Variants in IMMP2L observed in about 807,000 individuals in gnomAD.
The protein encoded by IMMP2L is mitochondrial inner membrane protease subunit 2.
A neutral mutation model predicts 19.3 loss-of-function variants in IMMP2L; 18 were observed. The observed-to-expected ratio is 0.93, with a 90% CI of 0.64 to 1.38. IMMP2L has a LOEUF of 1.38. Ranked by LOEUF, IMMP2L falls within the 40% of genes most tolerant of loss-of-function variation. The probability of loss-of-function intolerance (pLI) is 0.00; values close to 1 mark genes in which losing one functional copy is unlikely to be tolerated. For synonymous variants in IMMP2L, 76 were observed against 73.0 expected (o/e 1.04, Z -0.21); for missense variants, 233 against 218.2 (o/e 1.07, Z -0.43).
chr7:111,106,546 C>T (rs770856582), intron 3 of IMMP2L, among the ~76,000 whole-genome samples: 2 of 151,698 alleles, frequency 1.3e-5, no homozygotes, highest in Non-Finnish European at 2.9e-5. Flanking sequence ...GAACTTCTCA[C>T]TGCCCCAGGC....
At chr7:110,749,721 GA>G (rs1445555982) in intron 5 of IMMP2L, among the ~76,000 whole-genome samples, 1 of 151,854 alleles carries the variant, frequency 6.6e-6, no homozygotes, top group Non-Finnish European at 1.5e-5. Context: ...ACAGGGATGG[GA>G]ACATCACACA....
intron 3 of IMMP2L, among the ~76,000 whole-genome samples, chr7:111,134,837 C>T (rs1339372161): frequency 6.6e-6 from 1 of 152,016 alleles, no homozygotes; most frequent in Non-Finnish European, 1.5e-5. Context: ...CTAAAAAGAC[C>T]TCTTTAATAT....
At chr7:110,928,624 A>AG (rs1815133726) in intron 4 of IMMP2L, among the ~76,000 whole-genome samples, 1 of 152,150 alleles carries the variant, frequency 6.6e-6, no homozygotes, top group Non-Finnish European at 1.5e-5. Context: ...AAACATAGAA[A>AG]GAAAACAAAG....
chr7:111,109,427 A>G (rs1798928749), intron 3 of IMMP2L, among the ~76,000 whole-genome samples: 1 of 152,194 alleles, frequency 6.6e-6, no homozygotes, highest in Admixed American at 6.5e-5. Flanking sequence ...GCACACAAGT[A>G]TAGGCTTACT....
chr7:110,912,291 G>A (rs1009230543), intron 4 of IMMP2L, among the ~76,000 whole-genome samples: 1 of 152,038 alleles, frequency 6.6e-6, no homozygotes, highest in African/African-American at 2.4e-5. Flanking sequence ...ACACATAAGA[G>A]CATGTGTATG....
At chr7:111,028,042 T>C (rs1221548380) in intron 3 of IMMP2L, among the ~76,000 whole-genome samples, 1 of 152,166 alleles carries the variant, frequency 6.6e-6, no homozygotes, top group African/African-American at 2.4e-5. Context: ...CATTTTAAGA[T>C]AAATTTTCTT....
chr7:110,947,704 G>A (rs568446717), intron 4 of IMMP2L, among the ~76,000 whole-genome samples: 15 of 152,084 alleles, frequency 9.9e-5, no homozygotes, highest in African/African-American at 3.4e-4. Context: ...TTAAATAGTC[G>A]TTTACTTTTT....
intron 3 of IMMP2L, among the ~76,000 whole-genome samples, chr7:111,115,102 T>G (rs540352530): frequency 6.6e-6 from 1 of 152,256 alleles, no homozygotes; most frequent in South Asian, 2.1e-4. Flanking sequence ...CAGAGAGACC[T>G]ACATTTGGGA....
chr7:111,420,079 G>A (rs898115276), intron 3 of IMMP2L, among the ~76,000 whole-genome samples: 18 of 151,620 alleles, frequency 1.2e-4, no homozygotes, highest in Non-Finnish European at 2.4e-4. Flanking sequence ...GGTTAAAATG[G>A]TACATTACAT....
chr7:111,324,302 G>A (rs536529580), intron 3 of IMMP2L, among the ~76,000 whole-genome samples: 2 of 151,902 alleles, frequency 1.3e-5, no homozygotes, highest in South Asian at 4.1e-4. Context: ...AACTGAAAGA[G>A]AAAATGAAGC....
intron 3 of IMMP2L, among the ~76,000 whole-genome samples, chr7:111,281,853 G>A (rs1449571963): frequency 6.6e-6 from 1 of 152,112 alleles, no homozygotes; most frequent in African/African-American, 2.4e-5. Flanking sequence ...ACAGGGTACT[G>A]GAAAGAGACC....
At chr7:111,132,645 T>C (rs1281956513) in intron 3 of IMMP2L, among the ~76,000 whole-genome samples, 1 of 152,042 alleles carries the variant, frequency 6.6e-6, no homozygotes, top group Non-Finnish European at 1.5e-5. Context: ...AGTTCTACTT[T>C]ATAAATTGTA....
At chr7:111,551,392 A>G (rs1849437534) in intron 1 of IMMP2L, among the ~76,000 whole-genome samples, 1 of 152,120 alleles carries the variant, frequency 6.6e-6, no homozygotes, top group African/African-American at 2.4e-5. Context: ...CAAGAGTTCA[A>G]TGAGATTCTG....
At chr7:111,445,756 C>G (rs536664894) in intron 3 of IMMP2L, among the ~76,000 whole-genome samples, 8 of 152,118 alleles carry the variant, frequency 5.3e-5, no homozygotes, top group African/African-American at 1.7e-4. Context: ...GCGTGAGTGA[C>G]GCAGAAGACG....
At chr7:111,069,652 G>A (rs930695605) in intron 3 of IMMP2L, among the ~76,000 whole-genome samples, 16 of 152,038 alleles carry the variant, frequency 1.1e-4, no homozygotes, top group South Asian at 8.3e-4. Context: ...ATGAGTGTCC[G>A]AGACTCTCTG....
rs1328130247 is a variant in IMMP2L, at chr7:110,944,469, G to GTGTGTGTGTGCGCGCA, written c.305+19030_305+19031insTGCGCGCACACACACA. On this transcript the variant is annotated intron_variant, in intron 4 of 5. Transcript: ENST00000405709. ...ACATAGAGTGTGTGTGTGTGCGCGC[G>GTGTGTGTGTGCGCGCA]CACGTGTGTGTGTGCGCGTGTGTGT... Among the ~76,000 whole-genome samples, 78 of 151,758 alleles carry GTGTGTGTGTGCGCGCA rather than the reference G, an allele frequency of 5.1e-4. 1 individual carries two copies. The highest frequency in any genetic ancestry group is 1.6e-3 in the African/African-American group (65 of 41,440).
chr7:110,774,070 G>A (rs1799218927), intron 5 of IMMP2L, among the ~76,000 whole-genome samples: 1 of 151,920 alleles, frequency 6.6e-6, no homozygotes, highest in Admixed American at 6.6e-5. Flanking sequence ...TATGGGAAGG[G>A]GGAAGGCTGA....
intron 3 of IMMP2L, among the ~76,000 whole-genome samples, chr7:111,170,383 G>T (rs866599771): frequency 6.6e-6 from 1 of 151,818 alleles, no homozygotes; most frequent in Non-Finnish European, 1.5e-5. Flanking sequence ...AGTGACCCTA[G>T]ATCACCACAG....
chr7:111,499,976 G>A (rs1844010526), intron 2 of IMMP2L, among the ~76,000 whole-genome samples: 1 of 152,168 alleles, frequency 6.6e-6, no homozygotes, highest in Non-Finnish European at 1.5e-5. Context: ...TGGGTGCAGA[G>A]CACCAGGCAC....
Sources: allele counts gnomAD v4.1 joint callset (sites outside exome capture counted in the v4.1 genomes callset), GRCh38; gene constraint gnomAD v4.1.1; transcripts MANE v1.5; gene names NCBI Gene and HGNC (gene_info 2026-07-23, HGNC 2026-07-21).